IMPG2: variants seen among roughly 807,000 people sequenced by gnomAD.
The protein encoded by IMPG2 is IPM 200.
A neutral mutation model predicts 129.2 loss-of-function variants in IMPG2; 91 were observed. That is an observed-to-expected ratio of 0.70 (90% CI 0.59 to 0.84). The LOEUF is 0.84. Ranked by LOEUF, IMPG2 falls within the 40% of genes least tolerant of loss-of-function variation. The probability of loss-of-function intolerance (pLI) is 0.00; values close to 1 mark genes in which losing one functional copy is unlikely to be tolerated. For synonymous variants in IMPG2, 510 were observed against 517.7 expected (o/e 0.99, Z 0.20); for missense variants, 1,430 against 1,461.7 (o/e 0.98, Z 0.35).
In IMPG2 at chr3:101,228,871, A is replaced by T; in HGVS notation, c.3639T>A (p.Ile1213=). 3.1e-6 allele frequency: 5 copies of T among 1,613,044 alleles called. No individual in the cohort carries two copies. Among genetic ancestry groups the T allele is most frequent in the Non-Finnish European group, 4.2e-6 (5 of 1,179,072 alleles). ...YESSELSREE[I]QERMRVLELY... is the part of the protein sequence containing the mutation. ...GTTCCAAAACTCTCATTCTCTCTTG[A>T]ATTTCCTTAAACAAAAAAGAAACAA... is the stretch of plus-strand genomic sequence containing the variant. The change falls in exon 18 of 19, where the codon ATT becomes ATA. Residue 1213 remains isoleucine (I), a synonymous_variant. Transcript: ENST00000193391.
Position 101,229,537 on chromosome 3 carries a change from T to C in IMPG2, c.3476A>G (p.Tyr1159Cys), listed in dbSNP as rs1171235255. 3.7e-6 allele frequency: 6 copies of C among 1,614,014 alleles called. No individual in the cohort carries two copies. The South Asian group carries it at 5.5e-5, about 15-fold the overall frequency. Residue 1159 changes from tyrosine (Y) to cysteine (C), a missense_variant, in exon 17 of 19, where the codon TAC (tyrosine) becomes TGC (cysteine). Transcript: ENST00000193391. The part of the protein sequence containing the change: ...SLSSIENAVK[Y>C]NPVYESHRAG... ...CCTGTGACTTTCATACACGGGGTTGTACTTCACAGCATTCTCAATAGATGA... is the reference window on the plus strand; with the variant it reads ...CCTGTGACTTTCATACACGGGGTTGCACTTCACAGCATTCTCAATAGATGA...
In IMPG2 at chr3:101,257,717, G is replaced by A; in HGVS notation, c.965C>T (p.Thr322Ile). 1 of 1,613,266 alleles carries A rather than the reference G, an allele frequency of 6.2e-7. No individual in the cohort carries two copies. The highest frequency in any genetic ancestry group is 8.5e-7 in the Non-Finnish European group (1 of 1,179,424). The change falls in exon 10 of 19, where the codon ACC (threonine) becomes ATC (isoleucine). Residue 322 changes from threonine (T) to isoleucine (I), a missense_variant. By Grantham distance (89) the Thr-to-Ile change is moderately conservative (BLOSUM62 -1). Transcript: ENST00000193391. ...GGAGTGAAGGCTAATGAGGTCCCAGGTGGTATTGCTGATGGCCTCACCATT... is the reference window on the plus strand; with the variant it reads ...GGAGTGAAGGCTAATGAGGTCCCAGATGGTATTGCTGATGGCCTCACCATT... ...TFNGEAISNT[T>I]WDLISLHSNK... is the part of the protein sequence containing the mutation.
intron 10 of IMPG2, 29 bp from the exon 11 acceptor site, chr3:101,253,810 T>C (rs764276460): frequency 6.8e-7 from 1 of 1,474,848 alleles, no homozygotes. Flanking sequence ...TAAAGAACAT[T>C]TTTAGATGAG....
chr3:101,291,416 T>C, intron 4 of IMPG2, 63 bp downstream of exon 4: 3 of 1,389,666 alleles, frequency 2.2e-6, no homozygotes, highest in Non-Finnish European at 3.1e-6. Context: ...GGGGTGAGTC[T>C]TGAATTAGGC....
chr3:101,256,114 GAA>G (rs1396858511), intron 10 of IMPG2, among the ~76,000 whole-genome samples: 12 of 97,556 alleles, frequency 1.2e-4, no homozygotes, highest in East Asian at 2.8e-4. Context: ...AAGAAAGAAA[GAA>G]AAAGAAAGAG....
intron 2 of IMPG2, among the ~76,000 whole-genome samples, chr3:101,308,588 C>T (rs1017739254): frequency 1.3e-5 from 2 of 152,230 alleles, no homozygotes; most frequent in Non-Finnish European, 2.9e-5. Context: ...CAGCAAGGCC[C>T]TGGGCCTGGC....
At chr3:101,259,039 T>C (rs1706642360) in intron 9 of IMPG2, among the ~76,000 whole-genome samples, 1 of 152,166 alleles carries the variant, frequency 6.6e-6, no homozygotes, top group Non-Finnish European at 1.5e-5. Context: ...GGCAGAGTCA[T>C]AATTTCAACA....
intron 2 of IMPG2, among the ~76,000 whole-genome samples, chr3:101,305,896 C>A (rs2107138503): frequency 6.6e-6 from 1 of 152,170 alleles, no homozygotes; most frequent in South Asian, 2.1e-4. Context: ...CTGTAGGTAA[C>A]AGATACATCA....
intron 16 of IMPG2, among the ~76,000 whole-genome samples, chr3:101,230,386 AC>A (rs1490754415): frequency 1.3e-5 from 2 of 152,152 alleles, no homozygotes; most frequent in Admixed American, 6.5e-5. Context: ...TTATTGACAG[AC>A]CCTTACCTAG....
intron 10 of IMPG2, among the ~76,000 whole-genome samples, chr3:101,256,155 AAGAAAGAAAG>A (rs1706600588): frequency 7.8e-6 from 1 of 127,892 alleles, no homozygotes; most frequent in Admixed American, 7.5e-5. Flanking sequence ...AAAAGAAAGA[AAGAAAGAAAG>A]AAAGAAAGAA....
chr3:101,280,940 C>A (rs1272844616), intron 4 of IMPG2, among the ~76,000 whole-genome samples: 2 of 147,508 alleles, frequency 1.4e-5, no homozygotes, highest in Non-Finnish European at 3.0e-5. Flanking sequence ...CAGAGCGAGA[C>A]TGTTGCAAAA....
chr3:101,240,190 G>A (rs2460723), intron 14 of IMPG2, among the ~76,000 whole-genome samples: 4 of 152,044 alleles, frequency 2.6e-5, no homozygotes, highest in Non-Finnish European at 5.9e-5. Flanking sequence ...TGATCATAGC[G>A]CATTGTAATC....
chr3:101,283,253 G>C (rs1307524283), intron 4 of IMPG2, among the ~76,000 whole-genome samples: 1 of 152,082 alleles, frequency 6.6e-6, no homozygotes, highest in African/African-American at 2.4e-5. Context: ...TTGAACTCCT[G>C]ATTTCAAGTA....
intron 3 of IMPG2, among the ~76,000 whole-genome samples, chr3:101,296,346 G>C (rs532706217): frequency 6.6e-6 from 1 of 152,300 alleles, no homozygotes; most frequent in African/African-American, 2.4e-5. Flanking sequence ...CATTGGTTCT[G>C]TTTATGTGAT....
At chr3:101,282,020 T>C (rs1477665982) in intron 4 of IMPG2, among the ~76,000 whole-genome samples, 1 of 152,180 alleles carries the variant, frequency 6.6e-6, no homozygotes, top group East Asian at 1.9e-4. Context: ...GTCAGACTAA[T>C]TAGTTAAAGC....
intron 17 of IMPG2, among the ~76,000 whole-genome samples, 155 bp downstream of exon 17, chr3:101,229,225 G>T (rs1373929205): frequency 6.6e-6 from 1 of 151,396 alleles, no homozygotes; most frequent in Non-Finnish European, 1.5e-5. Context: ...TAGGAGATAC[G>T]AGGTAAAAAC....
In IMPG2 at chr3:101,239,293, C is replaced by T. The variant is rs558660695; in HGVS notation, c.3022+3395G>A. The stretch of plus-strand genomic sequence containing the variant: ...GGGTGAAGGATATGAACAGACACTT[C>T]TCAAAAGAAAACATTTATGCAGCTA... On this transcript the variant is annotated intron_variant, in intron 14 of 18. Transcript: ENST00000193391. Among the ~76,000 whole-genome samples the T allele has an allele frequency of 2.0e-5, 3 of 152,276 alleles. No homozygotes were observed. The South Asian group carries it at 6.2e-4, about 32-fold the overall frequency.
intron 18 of IMPG2, among the ~76,000 whole-genome samples, chr3:101,228,215 G>C (rs971827562): frequency 4.6e-5 from 7 of 152,188 alleles, no homozygotes; most frequent in African/African-American, 1.4e-4. Context: ...CCTGAGAAAA[G>C]CAAATGGGAA....
At chr3:101,279,950 A>T (rs145766293) in intron 4 of IMPG2, among the ~76,000 whole-genome samples, 17 of 152,348 alleles carry the variant, frequency 1.1e-4, no homozygotes, top group African/African-American at 3.4e-4. Context: ...ACATGTTTTC[A>T]TTAAGTATTC....
Sources: allele counts gnomAD v4.1 joint callset (sites outside exome capture counted in the v4.1 genomes callset), GRCh38; gene constraint gnomAD v4.1.1; transcripts MANE v1.5; gene names NCBI Gene and HGNC (gene_info 2026-07-23, HGNC 2026-07-21).